SEPTIN7: variants seen among roughly 807,000 people sequenced by gnomAD.
SEPTIN7 encodes the protein septin 7.
A neutral mutation model predicts 63.3 loss-of-function variants in SEPTIN7; 10 were observed. That is an observed-to-expected ratio of 0.16 (90% CI 0.10 to 0.27). The LOEUF is 0.27. Ranked by LOEUF, SEPTIN7 falls within the 10% of genes least tolerant of loss-of-function variation. The probability of loss-of-function intolerance (pLI) is 1.00; values close to 1 mark genes in which losing one functional copy is unlikely to be tolerated. For missense variants in SEPTIN7, 310 were observed against 521.0 expected, an observed-to-expected ratio of 0.59 and a Z score of 3.94; for synonymous variants, 131 against 165.3, an observed-to-expected ratio of 0.79 and a Z score of 1.59.
chr7:35,837,858 G>A (rs1167385740), intron 3 of SEPTIN7, among the ~76,000 whole-genome samples: 1 of 151,898 alleles, frequency 6.6e-6, no homozygotes, highest in African/African-American at 2.4e-5. Flanking sequence ...CAGCCTCCCT[G>A]GGACTACAGG....
chr7:35,908,363 C>A (rs1191338957), downstream of SEPTIN7, among the ~76,000 whole-genome samples: 6 of 152,148 alleles, frequency 3.9e-5, no homozygotes. Context: ...CTATTCTTGG[C>A]CTGAACATTT....
chr7:35,839,845 G>A (rs372490984), intron 3 of SEPTIN7, among the ~76,000 whole-genome samples: 5 of 152,166 alleles, frequency 3.3e-5, no homozygotes, highest in African/African-American at 7.2e-5. Context: ...GAGCCATTGC[G>A]CCTGACCTGT....
chr7:35,912,693 AAG>A, the SEPTIN7 span, among the ~76,000 whole-genome samples: 2 of 152,232 alleles, frequency 1.3e-5, no homozygotes, highest in African/African-American at 2.4e-5. Flanking sequence ...CCTCCAGAAA[AAG>A]AGACACAGGT....
chr7:35,860,882 A>G (rs1463249003), intron 3 of SEPTIN7, among the ~76,000 whole-genome samples: 1 of 152,190 alleles, frequency 6.6e-6, no homozygotes, highest in African/African-American at 2.4e-5. Flanking sequence ...CATCAGTTAC[A>G]TCACCTTTGG....
intron 3 of SEPTIN7, among the ~76,000 whole-genome samples, chr7:35,840,207 C>T (rs1238041507): frequency 2.6e-5 from 2 of 77,164 alleles, no homozygotes; most frequent in Non-Finnish European, 5.2e-5. Flanking sequence ...CCCCTCCCCC[C>T]TTTCCCCTCC....
upstream of SEPTIN7, chr7:35,801,039 GA>G (rs1787912816): frequency 2.1e-5 from 10 of 477,560 alleles, no homozygotes; most frequent in East Asian, 3.2e-4. Context: ...GGGGGCGGGG[GA>G]CGGAGGAGGG....
chr7:35,820,818 A>G (rs141047443), intron 1 of SEPTIN7, among the ~76,000 whole-genome samples: 40 of 152,324 alleles, frequency 2.6e-4, no homozygotes, highest in Non-Finnish European at 3.5e-4. Flanking sequence ...TTCAAATAAT[A>G]CAGTGTGGCA....
chr7:35,885,729 C>T (rs1787192385), intron 9 of SEPTIN7, 99 bp from the exon 10 acceptor site: 1 of 871,600 alleles, frequency 1.1e-6, no homozygotes, highest in Admixed American at 2.1e-5. Context: ...TTTTGCATTT[C>T]CTCTTCTTGT....
At chr7:35,899,976 A>C (rs1788215228) in intron 12 of SEPTIN7, 1 of 152,210 alleles carries the variant, frequency 6.6e-6, no homozygotes, top group South Asian at 2.1e-4. Context: ...TCCCTGTTTT[A>C]TGTGGCTTCA....
chr7:35,814,314 T>C (rs1407040551), intron 1 of SEPTIN7, among the ~76,000 whole-genome samples: 1 of 152,212 alleles, frequency 6.6e-6, no homozygotes, highest in African/African-American at 2.4e-5. Context: ...ATTTTACTCA[T>C]TCTTATAGAT....
intron 6 of SEPTIN7, among the ~76,000 whole-genome samples, chr7:35,877,337 CTCTG>C (rs1786534378): frequency 1.3e-5 from 2 of 152,264 alleles, no homozygotes; most frequent in African/African-American, 4.8e-5. Flanking sequence ...CCCTCACTGT[CTCTG>C]TCTTTCTGCC....
rs750600224 is a variant in SEPTIN7, at chr7:35,801,230, CGCT to C, written c.29_31del (p.Ala10del). 1 of 1,533,014 alleles carries C rather than the reference CGCT, an allele frequency of 6.5e-7. No individual in the cohort carries two copies. Among genetic ancestry groups the C allele is most frequent in the Non-Finnish European group, 8.8e-7 (1 of 1,140,662 alleles). 95.0% of individuals were successfully genotyped at this position (1,533,014 alleles called of 1,614,324 possible). On this transcript the variant is annotated inframe_deletion, in exon 1 of 14. Transcript: ENST00000350320. ...AGGGGATGTCGGTCAGTGCGAGATC[CGCT>C]GCTGCTGAGGAGAGGAGCGTCAACA...
At chr7:35,915,154 T>C in the SEPTIN7 span, among the ~76,000 whole-genome samples, 1 of 152,124 alleles carries the variant, frequency 6.6e-6, no homozygotes, top group East Asian at 1.9e-4. Flanking sequence ...CATGTATACA[T>C]GTGTACATAT....
At chr7:35,848,411 G>T (rs999915572) in intron 3 of SEPTIN7, among the ~76,000 whole-genome samples, 17 of 152,070 alleles carry the variant, frequency 1.1e-4, no homozygotes, top group Admixed American at 1.3e-4. Context: ...GGGACCACAG[G>T]CGCCCACCAC....
At chr7:35,817,971 C>G (rs1379547367) in intron 1 of SEPTIN7, among the ~76,000 whole-genome samples, 1 of 151,690 alleles carries the variant, frequency 6.6e-6, no homozygotes, top group Non-Finnish European at 1.5e-5. Flanking sequence ...ACTTTACAAT[C>G]TAGATACATT....
At chr7:35,886,206 A>G (rs867822173) in intron 10 of SEPTIN7, among the ~76,000 whole-genome samples, 4 of 152,232 alleles carry the variant, frequency 2.6e-5, no homozygotes, top group African/African-American at 7.2e-5. Flanking sequence ...TGAAAACTAT[A>G]TAAGAGAAGG....
rs1194061662 is a variant in SEPTIN7 at position 35,872,688 on chromosome 7, T to C, written c.299T>C (p.Ile100Thr). ...CAGGTGGAACAATCCAAAGTTTTAA[T>C]CAAAGAAGGTGGTGTTCAGTTGCTG... Reference protein sequence around the residue: ...TVQVEQSKVLIKEGGVQLLLT... With the variant: ...TVQVEQSKVLTKEGGVQLLLT... Residue 100 changes from isoleucine (I) to threonine (T), a missense_variant, in exon 5 of 14, where the codon ATC (isoleucine) becomes ACC (threonine). Coordinates refer to ENST00000350320, the MANE Select transcript of SEPTIN7 (RefSeq NM_001788.6). 1 of 1,612,386 alleles carries C rather than the reference T, an allele frequency of 6.2e-7. No individual in the cohort carries two copies. The highest frequency in any genetic ancestry group is 2.2e-5 in the East Asian group (1 of 44,846).
intron 9 of SEPTIN7, 45 bp downstream of exon 9, chr7:35,884,032 T>C (rs771311945): frequency 6.4e-5 from 78 of 1,217,614 alleles, no homozygotes; most frequent in Admixed American, 8.5e-5. Context: ...ATCTCAAAAC[T>C]GATTAAAAAT....
At chr7:35,842,664 T>G (rs1784464813) in intron 3 of SEPTIN7, among the ~76,000 whole-genome samples, 1 of 152,206 alleles carries the variant, frequency 6.6e-6, no homozygotes, top group Non-Finnish European at 1.5e-5. Flanking sequence ...TTTATATAAT[T>G]AGAAGTGTAC....
Sources: gnomAD v4.1 joint callset for allele counts (sites outside exome capture counted in the v4.1 genomes callset) on GRCh38, gnomAD v4.1.1 for gene constraint, MANE v1.5 for transcripts, NCBI Gene and HGNC (gene_info 2026-07-23, HGNC 2026-07-21) for gene names.